The following NECAP1 variants were observed in gnomAD, a reference collection of about 807,000 sequenced individuals.
NECAP1 encodes NECAP endocytosis associated 1, also known as adaptin ear-binding coat-associated protein 1.
Under a neutral mutation model 33.4 loss-of-function variants are expected in NECAP1, and 13 were observed. The ratio of observed to expected loss-of-function variants is 0.39; its 90% confidence interval spans 0.25 to 0.62. The LOEUF (loss-of-function observed/expected upper bound fraction) is 0.62. Among genes scored for constraint, NECAP1 ranks in the 20% least tolerant of loss-of-function variants. NECAP1 has a pLI of 0.52. For synonymous variants in NECAP1, 109 were observed against 125.2 expected, an observed-to-expected ratio of 0.87 and a Z score of 0.86; for missense variants, 272 against 347.4, an observed-to-expected ratio of 0.78 and a Z score of 1.73.
chr12:8,090,351 C>T (rs1369645293), intron 3 of NECAP1, 52 bp downstream of exon 3: 1 of 1,447,032 alleles, frequency 6.9e-7, no homozygotes, highest in Admixed American at 1.7e-5. Context: ...CAGGTGAATG[C>T]ACAGCCATGA....
intron 6 of NECAP1, among the ~76,000 whole-genome samples, chr12:8,094,063 G>C (rs1329361686): frequency 6.6e-6 from 1 of 152,166 alleles, no homozygotes; most frequent in Admixed American, 6.5e-5. Context: ...TAGAATCTGA[G>C]AATTTTAACT....
At chr12:8,092,465 G>A in intron 4 of NECAP1, 2 of 515,760 alleles carry the variant, frequency 3.9e-6, no homozygotes, top group Non-Finnish European at 6.9e-6. Flanking sequence ...ATTCTAATAC[G>A]TATTCCGTGA....
chr12:8,084,161 A>T (rs1333858916), intron 1 of NECAP1, among the ~76,000 whole-genome samples: 1 of 152,022 alleles, frequency 6.6e-6, no homozygotes, highest in Non-Finnish European at 1.5e-5. Context: ...TTTGCCCCTT[A>T]CTGGCGTTTT....
chr12:8,082,446 G>A (rs1296557959), intron 1 of NECAP1, 63 bp downstream of exon 1: 2 of 1,446,692 alleles, frequency 1.4e-6, no homozygotes, highest in East Asian at 2.4e-5. Context: ...TTCCTTCTCA[G>A]CTAGCACGCT....
At position 8,095,771 on chromosome 12, in the gene NECAP1, T is replaced by C. The variant is rs2231754; in HGVS notation, c.779+68T>C. 0.23 allele frequency: 336,118 copies of C among 1,457,184 alleles called. 42,274 individuals carry two copies. Among genetic ancestry groups the C allele is most frequent in the Non-Finnish European group, 0.26 (272,494 of 1,042,346 alleles). 90.3% of individuals were successfully genotyped at this position (1,457,184 alleles called of 1,614,324 possible). The stretch of plus-strand genomic sequence containing the variant: ...AGGAGATATGTACAGTCAATTGAAA[T>C]CTTTGATCTGGAGAAGCAATGGATA... On this transcript the variant is annotated intron_variant, in intron 7 of 7. Transcript: ENST00000339754.
At chr12:8,087,260 T>C (rs1266466611) in intron 1 of NECAP1, among the ~76,000 whole-genome samples, 1 of 128,038 alleles carries the variant, frequency 7.8e-6, no homozygotes, top group East Asian at 3.1e-4. Flanking sequence ...TAGTGGTTTT[T>C]TATTTATATA....
chr12:8,092,150 A>G (rs761700131), intron 4 of NECAP1: 103 of 393,738 alleles, frequency 2.6e-4, no homozygotes, highest in African/African-American at 2.1e-3. Context: ...GCAGGGCTTT[A>G]TGTGGGGAGT....
At chr12:8,088,753 A>T (rs1565643873) in intron 1 of NECAP1, 1 of 152,106 alleles carries the variant, frequency 6.6e-6, no homozygotes, top group Non-Finnish European at 1.5e-5. Context: ...GCCGTCTGTT[A>T]CCTCTCCCAC....
chr12:8,090,356 C>A, intron 3 of NECAP1, 57 bp downstream of exon 3: 1 of 1,402,212 alleles, frequency 7.1e-7, no homozygotes, highest in Non-Finnish European at 1.0e-6. Context: ...GAATGCACAG[C>A]CATGAAAAGT....
intron 1 of NECAP1, among the ~76,000 whole-genome samples, chr12:8,082,601 T>G (rs1237763932): frequency 6.6e-6 from 1 of 152,004 alleles, no homozygotes; most frequent in Non-Finnish European, 1.5e-5. Flanking sequence ...TTGTTTTTTA[T>G]TAAATTACCA....
At chr12:8,095,540 G>A (rs746250797) in intron 6 of NECAP1, 61 bp from the exon 7 acceptor site, 911 of 1,392,312 alleles carry the variant, frequency 6.5e-4, no homozygotes, top group Admixed American at 8.1e-4. Flanking sequence ...GAGCCACCGC[G>A]CCCGGCCCTT....
At chr12:8,085,848 T>C (rs1285095360) in intron 1 of NECAP1, among the ~76,000 whole-genome samples, 1 of 152,036 alleles carries the variant, frequency 6.6e-6, no homozygotes, top group Non-Finnish European at 1.5e-5. Context: ...AGATTACAGA[T>C]GTGCACTGCC....
In NECAP1 at chr12:8,096,241, G is replaced by T. The variant is rs1194154563; in HGVS notation, c.*151G>T. On this transcript the variant is annotated 3_prime_UTR_variant, in exon 8 of 8. Transcript: ENST00000339754. The stretch of plus-strand genomic sequence containing the variant: ...TAGCTTCTCCATCACATTCAAGCTG[G>T]TTTATGTCACTCCCCTGTGTTGTTA... 9.4e-6 allele frequency: 7 copies of T among 748,202 alleles called. No individual in the cohort carries two copies. In the Admixed American group the frequency reaches 1.3e-4, roughly 14 times the overall value. 46.3% of individuals were successfully genotyped at this position (748,202 alleles called of 1,614,324 possible).
chr12:8,082,294 G>T lies in NECAP1; in HGVS notation c.6G>T (p.Ala2=), dbSNP rs765219141. 19 of 1,593,060 alleles carry T rather than the reference G, an allele frequency of 1.2e-5. No individual in the cohort carries two copies. The South Asian group carries it at 2.1e-4, about 18-fold the overall frequency. The change falls in exon 1 of 8, where the codon GCG becomes GCT. Residue 2 remains alanine, a synonymous_variant. Coordinates refer to ENST00000339754, the MANE Select transcript of NECAP1 (RefSeq NM_015509.4). M[A]TELEYESVLC... is the part of the protein sequence containing the mutation. ...GCGCCGACAGCGGACCCAAGATGGC[G>T]ACCGAGTTGGAGTACGAGTCTGTGC...
intron 3 of NECAP1, 114 bp downstream of exon 3, chr12:8,090,413 C>A: frequency 1.1e-6 from 1 of 939,760 alleles, no homozygotes; most frequent in Non-Finnish European, 1.6e-6. Flanking sequence ...ATTTTTTCTT[C>A]CCTTTCTCTA....
intron 3 of NECAP1, chr12:8,091,482 T>G: frequency 2.6e-6 from 1 of 382,278 alleles, no homozygotes; most frequent in East Asian, 5.1e-5. Context: ...AGGCATCAGA[T>G]TCTCATAGGG....
intron 1 of NECAP1, among the ~76,000 whole-genome samples, chr12:8,086,960 CAA>C (rs745895683): frequency 6.8e-6 from 1 of 146,074 alleles, no homozygotes; most frequent in African/African-American, 2.5e-5. Flanking sequence ...CACACACACA[CAA>C]ATAAATAAAT....
chr12:8,087,598 A>G (rs779158202), intron 1 of NECAP1, among the ~76,000 whole-genome samples: 1 of 150,030 alleles, frequency 6.7e-6, no homozygotes, highest in Admixed American at 6.7e-5. Context: ...ATCATAGCTC[A>G]CTGCAACCTC....
rs137964265 is a variant in NECAP1 at position 8,090,249 on chromosome 12, C to T, written c.251C>T (p.Thr84Met). The T allele has an allele frequency of 2.7e-4, 431 of 1,614,126 alleles. 2 individuals carry two copies. Among genetic ancestry groups the T allele is most frequent in the Non-Finnish European group, 3.1e-4 (368 of 1,180,034 alleles). The change falls in exon 3 of 8, where the codon ACG becomes ATG. Residue 84 changes from threonine (T) to methionine (M), a missense_variant. Coordinates refer to ENST00000339754, the MANE Select transcript of NECAP1 (RefSeq NM_015509.4). ...VEQYPGIAVE[T>M]VTDSSRYFVI... ...CAATATCCTGGTATTGCTGTGGAGACGGTGACAGATTCTAGCCGCTACTTT... is the reference window on the plus strand; with the variant it reads ...CAATATCCTGGTATTGCTGTGGAGATGGTGACAGATTCTAGCCGCTACTTT...
Sources: allele counts gnomAD v4.1 joint callset (sites outside exome capture counted in the v4.1 genomes callset), GRCh38; gene constraint gnomAD v4.1.1; transcripts MANE v1.5; gene names NCBI Gene and HGNC (gene_info 2026-07-23, HGNC 2026-07-21).